Variants in NCAM2 observed in about 807,000 individuals in gnomAD.
NCAM2 encodes the protein neural cell adhesion molecule 2.
NCAM2 carries 30 observed loss-of-function variants against 98.1 expected under a neutral mutation model. The observed-to-expected ratio is 0.31, with a 90% CI of 0.23 to 0.41. The LOEUF (loss-of-function observed/expected upper bound fraction) is 0.41. NCAM2 is among the 10% of genes least tolerant of loss of function. The pLI is 1.00. For missense variants in NCAM2, 867 were observed against 1,005.8 expected (o/e 0.86, Z 1.87); for synonymous variants, 368 against 342.4 (o/e 1.07, Z -0.83).
chr21:21,022,305 C>T (rs1400810904), intron 1 of NCAM2, among the ~76,000 whole-genome samples: 3 of 151,988 alleles, frequency 2.0e-5, no homozygotes, highest in African/African-American at 7.2e-5. Flanking sequence ...AGAATATATA[C>T]AACACTTTCC....
intron 5 of NCAM2, among the ~76,000 whole-genome samples, chr21:21,305,472 C>T (rs1031179816): frequency 6.6e-6 from 1 of 152,134 alleles, no homozygotes; most frequent in Non-Finnish European, 1.5e-5. Context: ...ATTGAACACA[C>T]TTGGCCTTGT....
At chr21:21,472,557 T>G (rs1984579447) in intron 14 of NCAM2, among the ~76,000 whole-genome samples, 1 of 152,004 alleles carries the variant, frequency 6.6e-6, no homozygotes, top group Admixed American at 6.6e-5. Flanking sequence ...AGGATGAGTT[T>G]TATTCTTCTT....
rs1042700658 is a variant in NCAM2, at chr21:21,335,740, T to G, written c.898+75T>G. Reference sequence around the variant, plus strand: ...AGAGTGAAATTCTACTCTAATCATTTGAACTATTTAAACTTTCCATATTAA... The same window carrying G: ...AGAGTGAAATTCTACTCTAATCATTGGAACTATTTAAACTTTCCATATTAA... On this transcript the variant is annotated intron_variant, in intron 7 of 17. Transcript: ENST00000400546. 10 of 1,209,236 alleles carry G rather than the reference T, an allele frequency of 8.3e-6. No individual in the cohort carries two copies. The Admixed American group carries it at 3.0e-4, about 37-fold the overall frequency. 74.9% of individuals were successfully genotyped at this position (1,209,236 alleles called of 1,614,324 possible). A position where few individuals can be genotyped will look rare whatever the true frequency, so the allele number is the denominator to read the frequency against.
At chr21:21,339,873 C>A (rs2147881560) in intron 8 of NCAM2, among the ~76,000 whole-genome samples, 1 of 151,714 alleles carries the variant, frequency 6.6e-6, no homozygotes, top group African/African-American at 2.4e-5. Flanking sequence ...CTCATAATGG[C>A]ATTTTAAGAG....
chr21:21,044,899 A>C (rs1215307113), intron 1 of NCAM2, among the ~76,000 whole-genome samples: 1 of 151,952 alleles, frequency 6.6e-6, no homozygotes, highest in East Asian at 1.9e-4. Flanking sequence ...CCAGAGAGAG[A>C]CCCTGTCTTA....
At chr21:21,510,435 C>T (rs1988292775) in intron 16 of NCAM2, among the ~76,000 whole-genome samples, 1 of 152,026 alleles carries the variant, frequency 6.6e-6, no homozygotes, top group South Asian at 2.1e-4. Context: ...TAAATGGATT[C>T]CTGCAGTGTC....
At chr21:21,450,138 A>G (rs1980803221) in intron 12 of NCAM2, among the ~76,000 whole-genome samples, 1 of 152,084 alleles carries the variant, frequency 6.6e-6, no homozygotes, top group Non-Finnish European at 1.5e-5. Flanking sequence ...ACAAAGATAA[A>G]TCAGAAAATA....
intron 1 of NCAM2, among the ~76,000 whole-genome samples, chr21:21,009,640 G>T (rs540447976): frequency 6.6e-6 from 1 of 151,926 alleles, no homozygotes; most frequent in Non-Finnish European, 1.5e-5. Context: ...AATAGTAAAT[G>T]TCTGCTGTGT....
intron 1 of NCAM2, among the ~76,000 whole-genome samples, chr21:21,186,799 CAG>C (rs2068655028): frequency 6.6e-6 from 1 of 151,828 alleles, no homozygotes; most frequent in Non-Finnish European, 1.5e-5. Context: ...GAAAAAAGAA[CAG>C]AAAAATAATT....
chr21:21,171,735 G>A (rs7277166), intron 1 of NCAM2, among the ~76,000 whole-genome samples: 66,098 of 151,986 alleles, frequency 0.43, 15,552 homozygotes, highest in South Asian at 0.59. Context: ...AATCTTTTCT[G>A]TAGCTAAAAG....
intron 1 of NCAM2, among the ~76,000 whole-genome samples, chr21:21,221,038 T>C (rs2070126778): frequency 6.6e-6 from 1 of 152,200 alleles, no homozygotes; most frequent in South Asian, 2.1e-4. Context: ...CTTACAATAT[T>C]GCAAACTTTC....
At chr21:21,309,734 T>C (rs1431520820) in intron 5 of NCAM2, among the ~76,000 whole-genome samples, 1 of 152,136 alleles carries the variant, frequency 6.6e-6, no homozygotes, top group Non-Finnish European at 1.5e-5. Flanking sequence ...TAGCACTACC[T>C]CCGCACTCAG....
chr21:21,360,511 A>G (rs942173387), intron 8 of NCAM2, among the ~76,000 whole-genome samples: 3 of 152,008 alleles, frequency 2.0e-5, no homozygotes, highest in African/African-American at 7.2e-5. Flanking sequence ...TACTTATAAG[A>G]TAATGTATTT....
chr21:21,334,528 A>G (rs1007882234), intron 6 of NCAM2, among the ~76,000 whole-genome samples: 1 of 152,116 alleles, frequency 6.6e-6, no homozygotes, highest in Non-Finnish European at 1.5e-5. Context: ...TGGACAAGCA[A>G]ATGTCTCCAT....
intron 15 of NCAM2, among the ~76,000 whole-genome samples, chr21:21,487,001 T>C (rs1045804200): frequency 7.2e-5 from 11 of 152,134 alleles, no homozygotes; most frequent in Admixed American, 2.0e-4. Context: ...AACTCTGAGA[T>C]ACACATAAAT....
chr21:21,226,427 G>A (rs1568797844), intron 1 of NCAM2, among the ~76,000 whole-genome samples: 1 of 152,088 alleles, frequency 6.6e-6, no homozygotes, highest in African/African-American at 2.4e-5. Context: ...TTAATTTTGA[G>A]TAAACACAAC....
chr21:21,412,255 G>C (rs115775237), intron 10 of NCAM2, among the ~76,000 whole-genome samples: 1 of 151,996 alleles, frequency 6.6e-6, no homozygotes, highest in African/African-American at 2.4e-5. Context: ...ACAGAGTTCT[G>C]GTGTCTTCCT....
chr21:21,131,609 T>C (rs2066938082), intron 1 of NCAM2, among the ~76,000 whole-genome samples: 1 of 152,216 alleles, frequency 6.6e-6, no homozygotes, highest in African/African-American at 2.4e-5. Context: ...GCCTTCATAC[T>C]TTACTTTTAA....
intron 1 of NCAM2, among the ~76,000 whole-genome samples, chr21:21,079,346 A>G (rs545438198): frequency 2.4e-4 from 37 of 152,278 alleles, no homozygotes; most frequent in African/African-American, 7.2e-4. Flanking sequence ...TTAATAAGAC[A>G]CCTCTATGAG....
Sources: allele counts gnomAD v4.1 joint callset (sites outside exome capture counted in the v4.1 genomes callset), GRCh38; gene constraint gnomAD v4.1.1; transcripts MANE v1.5; gene names NCBI Gene and HGNC (gene_info 2026-07-23, HGNC 2026-07-21).